The following ARK2C variants were observed in gnomAD, a reference collection of about 807,000 sequenced individuals.
ARK2C encodes the protein arkadia (RNF111) C-terminal like ring finger ubiquitin ligase 2C.
the ARK2C span, among the ~76,000 whole-genome samples, chr18:46,392,453 C>T: frequency 0.015 from 2,297 of 152,300 alleles, 52 homozygotes; most frequent in African/African-American, 0.052. Context: ...CCACATTTGG[C>T]GGGAATGGAC....
the ARK2C span, among the ~76,000 whole-genome samples, chr18:46,359,227 G>A: frequency 6.6e-6 from 1 of 152,224 alleles, no homozygotes; most frequent in Admixed American, 6.5e-5. Flanking sequence ...GTTCAGGGTG[G>A]GCCAGGTGGG....
At chr18:46,417,729 G>A in the ARK2C span, among the ~76,000 whole-genome samples, 2 of 152,220 alleles carry the variant, frequency 1.3e-5, no homozygotes, top group Non-Finnish European at 2.9e-5. Flanking sequence ...AAGGCCGGGA[G>A]CGGTGGCTCA....
chr18:46,381,872 G>A, the ARK2C span, among the ~76,000 whole-genome samples: 15 of 152,244 alleles, frequency 9.9e-5, no homozygotes, highest in South Asian at 4.1e-4. Flanking sequence ...CAAAGGTGGG[G>A]TTTCAGGCAC....
chr18:46,341,726 G>A, the ARK2C span, among the ~76,000 whole-genome samples: 2 of 152,176 alleles, frequency 1.3e-5, no homozygotes, highest in African/African-American at 2.4e-5. Flanking sequence ...CCCTTGTGAT[G>A]TTATTCACAT....
At chr18:46,435,834 T>A in the ARK2C span, among the ~76,000 whole-genome samples, 5 of 152,218 alleles carry the variant, frequency 3.3e-5, no homozygotes, top group South Asian at 1.0e-3. Context: ...AGCAAGGCAG[T>A]GCTGGGTGGG....
the ARK2C span, chr18:46,334,249 C>T: frequency 6.9e-7 from 1 of 1,459,632 alleles, no homozygotes; most frequent in East Asian, 2.9e-5. This position sits in a 1 kb window ranked among gnomAD's most constrained non-coding sequence, Gnocchi z 4.4. Flanking sequence ...GCAGCCGCCG[C>T]CGCCGCCGCC....
At chr18:46,410,030 T>C in the ARK2C span, among the ~76,000 whole-genome samples, 1 of 152,172 alleles carries the variant, frequency 6.6e-6, no homozygotes, top group African/African-American at 2.4e-5. Context: ...TCCTTAGAGG[T>C]TGCACCAAAT....
chr18:46,335,877 T>C, the ARK2C span: 1 of 984,926 alleles, frequency 1.0e-6, no homozygotes, highest in Non-Finnish European at 1.2e-6. Flanking sequence ...TTTTTTTTCT[T>C]CATTGTGTAG....
At chr18:46,409,841 A>G in the ARK2C span, among the ~76,000 whole-genome samples, 1 of 152,208 alleles carries the variant, frequency 6.6e-6, no homozygotes, top group East Asian at 1.9e-4. Flanking sequence ...CCAATAATGC[A>G]TGTTCTCCTA....
chr18:46,373,285 C>T, the ARK2C span, among the ~76,000 whole-genome samples: 1 of 152,262 alleles, frequency 6.6e-6, no homozygotes, highest in African/African-American at 2.4e-5. Flanking sequence ...GAGTGTAACA[C>T]TGCACATTTC....
At chr18:46,348,306 G>A in the ARK2C span, among the ~76,000 whole-genome samples, 2 of 152,134 alleles carry the variant, frequency 1.3e-5, no homozygotes, top group Non-Finnish European at 2.9e-5. Flanking sequence ...GGGAGCTGGG[G>A]GACTGATGGC....
the ARK2C span, among the ~76,000 whole-genome samples, chr18:46,366,292 CAAAAAA>C: frequency 5.5e-5 from 3 of 54,506 alleles, no homozygotes; most frequent in East Asian, 5.3e-4. Context: ...AACTCTGGCT[CAAAAAA>C]AAAAAAAAAA....
At chr18:46,355,121 TG>T in the ARK2C span, among the ~76,000 whole-genome samples, 1 of 151,970 alleles carries the variant, frequency 6.6e-6, no homozygotes, top group South Asian at 2.1e-4. Flanking sequence ...GGCTAATTTT[TG>T]TTTTTTTTTT....
At chr18:46,412,633 C>A in the ARK2C span, among the ~76,000 whole-genome samples, 2 of 152,218 alleles carry the variant, frequency 1.3e-5, no homozygotes, top group Non-Finnish European at 2.9e-5. Context: ...CTCCCTACTC[C>A]AGTAGCTGGC....
chr18:46,342,037 C>A, the ARK2C span, among the ~76,000 whole-genome samples: 28 of 152,268 alleles, frequency 1.8e-4, no homozygotes, highest in African/African-American at 5.3e-4. Flanking sequence ...GCTCTGATCT[C>A]AAGATTGGTC....
At chr18:46,334,408 GCGGGCGGCCGGGGGCTCAGGGCACA>G in the ARK2C span, 1 of 1,409,984 alleles carries the variant, frequency 7.1e-7, no homozygotes, top group Non-Finnish European at 9.6e-7. This position sits in a 1 kb window ranked among gnomAD's most constrained non-coding sequence, Gnocchi z 4.4. Flanking sequence ...GGCGGGCGCC[GCGGGCGGCCGGGGGCTCAGGGCACA>G]CCCGCGAGGA....
the ARK2C span, among the ~76,000 whole-genome samples, chr18:46,421,647 A>G: frequency 5.3e-5 from 8 of 152,182 alleles, no homozygotes; most frequent in Middle Eastern, 3.2e-3. Context: ...CTGTAATTGT[A>G]TCCTGTCTCT....
the ARK2C span, among the ~76,000 whole-genome samples, chr18:46,396,884 G>A: frequency 0.048 from 7,292 of 152,302 alleles, 201 homozygotes; most frequent in Middle Eastern, 0.082. Flanking sequence ...TGGATTTTCC[G>A]CTAATTGTCC....
At chr18:46,409,746 A>G in the ARK2C span, among the ~76,000 whole-genome samples, 1 of 152,180 alleles carries the variant, frequency 6.6e-6, no homozygotes, top group Admixed American at 6.5e-5. Flanking sequence ...TTCAGGATAG[A>G]TGGGCCCTTC....
Sources: gnomAD v4.1 joint callset for allele counts (sites outside exome capture counted in the v4.1 genomes callset) on GRCh38, gnomAD v4.1.1 for gene constraint, Gnocchi (gnomAD v3.1) non-coding constraint, MANE v1.5 for transcripts, NCBI Gene and HGNC (gene_info 2026-07-23, HGNC 2026-07-21) for gene names.